THSD7A: variants seen among roughly 807,000 people sequenced by gnomAD.
The protein encoded by THSD7A is thrombospondin type 1 domain containing 7A.
In THSD7A, 96 loss-of-function variants were observed where a neutral mutation model predicts 231.3. That is an observed-to-expected ratio of 0.41 (90% CI 0.35 to 0.49). The LOEUF (loss-of-function observed/expected upper bound fraction) is 0.49. Ranked by LOEUF, THSD7A falls within the 20% of genes least tolerant of loss-of-function variation. The pLI is 0.05. For missense variants in THSD7A, 2,290 were observed against 2,070.2 expected (o/e 1.11, Z -2.06); for synonymous variants, 940 against 743.3 (o/e 1.26, Z -4.30).
chr7:11,638,215 A>T (rs1781945746), intron 1 of THSD7A, among the ~76,000 whole-genome samples: 1 of 152,226 alleles, frequency 6.6e-6, no homozygotes, highest in Admixed American at 6.5e-5. Flanking sequence ...AACCTGCTAA[A>T]GTAGGTCAAT....
At chr7:11,777,250 T>G (rs1428092158) in intron 1 of THSD7A, among the ~76,000 whole-genome samples, 1 of 152,080 alleles carries the variant, frequency 6.6e-6, no homozygotes. Flanking sequence ...TTCAAGAGAT[T>G]AACTACTTTT....
At position 11,446,092 on chromosome 7, in the gene THSD7A, C is replaced by A; in HGVS notation, c.3033G>T (p.Arg1011Ser). Reference sequence around the variant, plus strand: ...TGTTACATCTAGATGTTTCCACAAGCCTGCCATTTTGATCGTAGCATGCCA... The same window carrying A: ...TGTTACATCTAGATGTTTCCACAAGACTGCCATTTTGATCGTAGCATGCCA... Reference protein sequence around the residue: ...QAMACYDQNGRLVETSRCNSH... With the variant: ...QAMACYDQNGSLVETSRCNSH... The change falls in exon 13 of 28, where the codon AGG becomes AGT. Residue 1011 changes from arginine to serine, a missense_variant. Coordinates refer to ENST00000423059, the MANE Select transcript of THSD7A (RefSeq NM_015204.3). This position sits in a 1 kb window ranked among gnomAD's most constrained non-coding sequence, Gnocchi z 4.0. 1 of 1,613,322 alleles carries A rather than the reference C, an allele frequency of 6.2e-7. No homozygotes were observed. Among genetic ancestry groups the A allele is most frequent in the South Asian group, 1.1e-5 (1 of 91,080 alleles).
intron 1 of THSD7A, among the ~76,000 whole-genome samples, chr7:11,731,428 C>A (rs998661048): frequency 1.3e-5 from 2 of 151,490 alleles, no homozygotes; most frequent in Non-Finnish European, 3.0e-5. Context: ...AATAGATATG[C>A]TTATTTATAA....
chr7:11,466,120 C>A (rs1785695528), intron 9 of THSD7A, among the ~76,000 whole-genome samples: 1 of 152,078 alleles, frequency 6.6e-6, no homozygotes, highest in Non-Finnish European at 1.5e-5. Flanking sequence ...TATTTGACTT[C>A]CTTAAAGTGA....
chr7:11,666,716 T>C (rs989149732), intron 1 of THSD7A, among the ~76,000 whole-genome samples: 1 of 151,024 alleles, frequency 6.6e-6, no homozygotes, highest in African/African-American at 2.4e-5. Flanking sequence ...ATATATAGTA[T>C]AAATTTTATT....
chr7:11,814,461 G>T lies in THSD7A; in HGVS notation c.190+17296C>A, dbSNP rs927283856. 6.6e-6 allele frequency among the ~76,000 whole-genome samples: 1 copy of T among 152,050 alleles called. No individual in the cohort carries two copies. Among genetic ancestry groups the T allele is most frequent in the Non-Finnish European group, 1.5e-5 (1 of 68,016 alleles). ...ATTTAGCTTTTAGACGATGCTATCA[G>T]GGTAGAAAATTACCTCAAGAAGAAT... On this transcript the variant is annotated intron_variant, in intron 1 of 27. Transcript: ENST00000423059. The surrounding 1 kb of genome is among the most constrained non-coding windows in gnomAD (Gnocchi z 5.1).
intron 16 of THSD7A, among the ~76,000 whole-genome samples, chr7:11,418,484 G>T (rs1185911798): frequency 6.6e-6 from 1 of 152,140 alleles, no homozygotes; most frequent in African/African-American, 2.4e-5. Flanking sequence ...ACTTGGAAAA[G>T]GTCAGCCAAC....
In THSD7A at chr7:11,645,217, G is replaced by A. The variant is rs551759685; in HGVS notation, c.191-8256C>T. Among the ~76,000 whole-genome samples, 165 of 151,608 alleles carry A rather than the reference G, an allele frequency of 1.1e-3. 1 individual carries two copies. Among genetic ancestry groups the A allele is most frequent in the Middle Eastern group, 0.01 (3 of 286 alleles). ...TTTTAACATAATAATTTCCTCTCCT[G>A]TAAATTATTTATTTAATTGGTTTCT... On this transcript the variant is annotated intron_variant, in intron 1 of 27. Transcript: ENST00000423059.
chr7:11,423,238 T>C (rs1230899117), intron 16 of THSD7A, among the ~76,000 whole-genome samples: 8 of 152,162 alleles, frequency 5.3e-5, no homozygotes, highest in Admixed American at 5.2e-4. Context: ...GCAAAGGTTT[T>C]ATACGGTAAA....
At chr7:11,797,648 G>A (rs1784164298) in intron 1 of THSD7A, among the ~76,000 whole-genome samples, 5 of 151,702 alleles carry the variant, frequency 3.3e-5, no homozygotes, top group Admixed American at 3.3e-4. Flanking sequence ...CAAACTTCTG[G>A]CCTTAAGCAA....
At chr7:11,544,386 G>T (rs775734273) in intron 4 of THSD7A, among the ~76,000 whole-genome samples, 4 of 151,942 alleles carry the variant, frequency 2.6e-5, no homozygotes, top group Non-Finnish European at 4.4e-5. Flanking sequence ...CTGAATAATA[G>T]CTAGTTCCAG....
chr7:11,738,791 AAAAGGT>A (rs1324218281), intron 1 of THSD7A, among the ~76,000 whole-genome samples: 1 of 151,974 alleles, frequency 6.6e-6, no homozygotes, highest in Non-Finnish European at 1.5e-5. Context: ...TGGATGCTAG[AAAAGGT>A]AAGAAAATGT....
chr7:11,714,980 T>C (rs1033406945), intron 1 of THSD7A, among the ~76,000 whole-genome samples: 1 of 151,380 alleles, frequency 6.6e-6, no homozygotes, highest in Non-Finnish European at 1.5e-5. Context: ...CACTGGGCTG[T>C]ACATATTTGG....
chr7:11,504,671 G>C (rs1319163571), intron 6 of THSD7A, among the ~76,000 whole-genome samples: 1 of 152,038 alleles, frequency 6.6e-6, no homozygotes, highest in African/African-American at 2.4e-5. Context: ...ATATGTTTGA[G>C]AGTTAAACAT....
In THSD7A at chr7:11,760,322, T is replaced by C. The variant is rs138737540; in HGVS notation, c.190+71435A>G. On this transcript the variant is annotated intron_variant, in intron 1 of 27. Coordinates refer to ENST00000423059, the MANE Select transcript of THSD7A (RefSeq NM_015204.3). Reference sequence around the variant, plus strand: ...TTGTAAGAAAGAACATTCAGTAACGTTTAATAGATAGTGCTTCAAAAATAT... The same window carrying C: ...TTGTAAGAAAGAACATTCAGTAACGCTTAATAGATAGTGCTTCAAAAATAT... 5.5e-3 allele frequency among the ~76,000 whole-genome samples: 839 copies of C among 152,136 alleles called. 7 individuals are homozygous for C. The highest frequency in any genetic ancestry group is 0.019 in the African/African-American group (801 of 41,534).
At chr7:11,742,740 C>G (rs1782155696) in intron 1 of THSD7A, among the ~76,000 whole-genome samples, 1 of 152,006 alleles carries the variant, frequency 6.6e-6, no homozygotes, top group Admixed American at 6.6e-5. Context: ...AGTGATTTAT[C>G]ACCTTCACAT....
At chr7:11,546,784 A>G (rs1789418095) in intron 4 of THSD7A, among the ~76,000 whole-genome samples, 1 of 152,216 alleles carries the variant, frequency 6.6e-6, no homozygotes, top group Non-Finnish European at 1.5e-5. Context: ...ACTGAGATTC[A>G]GGAGAAAGTT....
chr7:11,587,135 C>T (rs1219548850), intron 4 of THSD7A, among the ~76,000 whole-genome samples: 1 of 151,984 alleles, frequency 6.6e-6, no homozygotes, highest in East Asian at 1.9e-4. Flanking sequence ...ACTTTGAACT[C>T]TAAAAAAATC....
intron 1 of THSD7A, among the ~76,000 whole-genome samples, chr7:11,726,055 A>G (rs1355485507): frequency 6.6e-6 from 1 of 151,972 alleles, no homozygotes; most frequent in Non-Finnish European, 1.5e-5. Context: ...TTAACTATTT[A>G]AAAAATAATT....
Sources: gnomAD v4.1 joint callset for allele counts (sites outside exome capture counted in the v4.1 genomes callset) on GRCh38, gnomAD v4.1.1 for gene constraint, Gnocchi (gnomAD v3.1) non-coding constraint, MANE v1.5 for transcripts, NCBI Gene and HGNC (gene_info 2026-07-23, HGNC 2026-07-21) for gene names.